Variants in SGCD observed in about 807,000 individuals in gnomAD.
SGCD encodes sarcoglycan delta.
Under a neutral mutation model 36.6 loss-of-function variants are expected in SGCD, and 18 were observed. The observed-to-expected ratio is 0.49, with a 90% confidence interval of 0.34 to 0.73. The LOEUF is 0.73. Ranked by LOEUF, SGCD falls within the 30% of genes least tolerant of loss-of-function variation. The probability of loss-of-function intolerance (pLI) is 0.01; values close to 1 mark genes in which losing one functional copy is unlikely to be tolerated. For synonymous variants in SGCD, 133 were observed against 130.6 expected (o/e 1.02, Z -0.12); for missense variants, 387 against 346.7 (o/e 1.12, Z -0.92).
At chr5:156,415,688 G>C (rs1363105793) in intron 3 of SGCD, among the ~76,000 whole-genome samples, 1 of 152,142 alleles carries the variant, frequency 6.6e-6, no homozygotes, top group Non-Finnish European at 1.5e-5. Flanking sequence ...AAAGGAAGCA[G>C]GAAGTAAACT....
chr5:155,815,787 C>T, the SGCD span, among the ~76,000 whole-genome samples: 1 of 152,088 alleles, frequency 6.6e-6, no homozygotes, highest in African/African-American at 2.4e-5. Flanking sequence ...CAGTCACCTT[C>T]CTCAGACTCC....
chr5:156,369,864 T>C (rs1770291932), intron 3 of SGCD, among the ~76,000 whole-genome samples: 1 of 152,006 alleles, frequency 6.6e-6, no homozygotes, highest in Admixed American at 6.6e-5. Context: ...CCAAATGGGG[T>C]TTAAAATGGA....
chr5:156,334,416 T>TA (rs1358469838), intron 2 of SGCD, among the ~76,000 whole-genome samples: 2 of 152,220 alleles, frequency 1.3e-5, no homozygotes, highest in African/African-American at 4.8e-5. Flanking sequence ...TCAGTTCACA[T>TA]ATTCTTTTCT....
At chr5:156,379,288 G>T (rs979608560) in intron 3 of SGCD, among the ~76,000 whole-genome samples, 2 of 152,148 alleles carry the variant, frequency 1.3e-5, no homozygotes, top group African/African-American at 4.8e-5. Context: ...GAGGATTAGA[G>T]TTGAAAGTTT....
intron 1 of SGCD, among the ~76,000 whole-genome samples, chr5:156,017,348 T>C (rs1006064030): frequency 4.6e-5 from 7 of 152,120 alleles, no homozygotes; most frequent in African/African-American, 1.7e-4. Context: ...TATTTTTATG[T>C]AGGCAAATGC....
At chr5:156,185,850 T>TAGAG (rs201378824) in intron 3 of SGCD, among the ~76,000 whole-genome samples, 280 of 47,692 alleles carry the variant, frequency 5.9e-3, no homozygotes, top group Middle Eastern at 0.011. Flanking sequence ...TATATATATA[T>TAGAG]AGAGAGAGAG....
At chr5:156,519,679 T>C (rs1757323546) in intron 4 of SGCD, among the ~76,000 whole-genome samples, 1 of 152,138 alleles carries the variant, frequency 6.6e-6, no homozygotes, top group Non-Finnish European at 1.5e-5. Flanking sequence ...TACAATCAAG[T>C]CTGTTTCATC....
the SGCD span, among the ~76,000 whole-genome samples, chr5:155,829,894 A>G: frequency 1.4e-4 from 21 of 152,338 alleles, no homozygotes; most frequent in Admixed American, 3.3e-4. Context: ...ATTAAAGTGA[A>G]TGCTTATCAA....
intron 3 of SGCD, among the ~76,000 whole-genome samples, chr5:156,442,840 G>A (rs922685242): frequency 1.3e-5 from 2 of 152,192 alleles, no homozygotes; most frequent in Non-Finnish European, 2.9e-5. Flanking sequence ...CAGGGCTTAT[G>A]TTCTAGTGGA....
chr5:156,681,570 G>T (rs1209522965), intron 7 of SGCD, among the ~76,000 whole-genome samples: 1 of 152,194 alleles, frequency 6.6e-6, no homozygotes, highest in African/African-American at 2.4e-5. Context: ...TGGGAGAATA[G>T]CCCTTCTGTA....
intron 3 of SGCD, among the ~76,000 whole-genome samples, chr5:156,488,109 T>TG (rs1561728991): frequency 3.6e-5 from 5 of 139,258 alleles, no homozygotes; most frequent in African/African-American, 1.1e-4. Flanking sequence ...TTTTTTTTTT[T>TG]TTTTTTTTTT....
intron 1 of SGCD, among the ~76,000 whole-genome samples, chr5:155,918,568 A>T (rs1377799707): frequency 6.6e-6 from 1 of 152,214 alleles, no homozygotes; most frequent in Non-Finnish European, 1.5e-5. Context: ...ATCTCAAAAG[A>T]CATAAAAATA....
At chr5:156,401,239 A>G in intron 3 of SGCD, among the ~76,000 whole-genome samples, 1 of 152,230 alleles carries the variant, frequency 6.6e-6, no homozygotes, top group East Asian at 1.9e-4. Flanking sequence ...TGAAAAGCAA[A>G]GAATATGTAT....
rs1393324469 is a variant in SGCD at position 156,039,062 on chromosome 5, C to A, written c.-281-78816C>A. Among the ~76,000 whole-genome samples the A allele has an allele frequency of 2.0e-5, 3 of 152,012 alleles. No individual in the cohort carries two copies. The East Asian group carries it at 5.8e-4, about 29-fold the overall frequency. On this transcript the variant is annotated intron_variant, in intron 1 of 9. Coordinates refer to the SGCD transcript ENST00000517913. ...CCTCAGGAGCTTTTTATCAAGGTAG[C>A]ATCCCAGTCCCCATATACGTAAAGA...
chr5:155,850,378 T>G, the SGCD span, among the ~76,000 whole-genome samples: 1 of 151,980 alleles, frequency 6.6e-6, no homozygotes. Flanking sequence ...CAGGGGAATT[T>G]TTTTGCAGTG....
In SGCD at chr5:155,953,990, C is replaced by A. The variant is rs187214707; in HGVS notation, c.-282+83566C>A. 2.9e-3 allele frequency among the ~76,000 whole-genome samples: 442 copies of A among 152,286 alleles called. 1 individual carries two copies. The highest frequency in any genetic ancestry group is 4.6e-3 in the Admixed American group (70 of 15,286). ...TGCCTCACTGACTAGCTGGTGCCCC[C>A]ATTCGGAGACAGATATTTTTATTAT... On this transcript the variant is annotated intron_variant, in intron 1 of 9. Transcript: ENST00000517913.
At chr5:155,742,997 G>A in the SGCD span, among the ~76,000 whole-genome samples, 3 of 152,182 alleles carry the variant, frequency 2.0e-5, no homozygotes, top group African/African-American at 7.2e-5. Context: ...GTAAGGTTTG[G>A]TTGGGGGCAC....
At chr5:155,988,230 C>G (rs1758369441) in intron 1 of SGCD, among the ~76,000 whole-genome samples, 1 of 152,098 alleles carries the variant, frequency 6.6e-6, no homozygotes, top group African/African-American at 2.4e-5. Context: ...CACAGGATGA[C>G]TGCTGTAACT....
Position 155,924,163 on chromosome 5 carries a change from A to T in SGCD, c.-282+53739A>T, listed in dbSNP as rs188217577. 1.0e-3 allele frequency among the ~76,000 whole-genome samples: 156 copies of T among 152,348 alleles called. 1 individual carries two copies. The highest frequency in any genetic ancestry group is 3.7e-3 in the African/African-American group (152 of 41,588). ...TCCTTTTGATATAGAAAGAAAACAT[A>T]GTTGAAAGAAATCCAGAACAACTTT... On this transcript the variant is annotated intron_variant, in intron 1 of 9. Coordinates refer to the SGCD transcript ENST00000517913.
Sources: gnomAD v4.1 joint callset for allele counts (sites outside exome capture counted in the v4.1 genomes callset) on GRCh38, gnomAD v4.1.1 for gene constraint, MANE v1.5 for transcripts, NCBI Gene and HGNC (gene_info 2026-07-23, HGNC 2026-07-21) for gene names.